The following GCLC variants were observed in gnomAD, a reference collection of about 807,000 sequenced individuals.
The protein encoded by GCLC is glutamate-cysteine ligase catalytic subunit.
GCLC carries 30 observed loss-of-function variants against 81.5 expected under a neutral mutation model. That is an observed-to-expected ratio of 0.37 (90% CI 0.28 to 0.50). The LOEUF is 0.50. Among genes scored for constraint, GCLC ranks in the 20% least tolerant of loss-of-function variants. The pLI, the probability that GCLC is intolerant of heterozygous loss-of-function variation, is 0.96. For synonymous variants in GCLC, 262 were observed against 273.3 expected (o/e 0.96, Z 0.41); for missense variants, 556 against 777.4 (o/e 0.72, Z 3.39).
At chr6:53,511,411 G>C (rs1348219308) in intron 6 of GCLC, among the ~76,000 whole-genome samples, 1 of 152,040 alleles carries the variant, frequency 6.6e-6, no homozygotes, top group Non-Finnish European at 1.5e-5. Flanking sequence ...GTTGCTCTTA[G>C]GTATTTGAGT....
chr6:53,497,865 T>A lies in GCLC; in HGVS notation c.*891A>T, dbSNP rs1451458322. On this transcript the variant is annotated 3_prime_UTR_variant, in exon 16 of 16. Transcript: ENST00000650454. ...TCTATCAGTATGCTTAACTAAAAAC[T>A]AAAGAGTGACAAAACTGTATACAGC... is the stretch of plus-strand genomic sequence containing the variant. 3.9e-5 allele frequency: 6 copies of A among 152,296 alleles called. No individual in the cohort carries two copies. Among genetic ancestry groups the A allele is most frequent in the Non-Finnish European group, 8.8e-5 (6 of 67,982 alleles). 9.4% of individuals were successfully genotyped at this position (152,296 alleles called of 1,614,324 possible). A position where few individuals can be genotyped will look rare whatever the true frequency, so the allele number is the denominator to read the frequency against.
chr6:53,498,786 A>C lies in GCLC; in HGVS notation c.1884T>G (p.Tyr628Ter), dbSNP rs904851230. The change falls in exon 16 of 16, where the codon TAT (tyrosine) becomes TAG (stop). Residue 628 changes from tyrosine to a stop codon, truncating the protein, a stop_gained. Coordinates refer to ENST00000650454, the MANE Select transcript of GCLC (RefSeq NM_001498.4). LOFTEE classifies it high-confidence loss of function. ...TGGATGAGTCAGTTTTACTTCCACT[A>C]TATTTTACTTTCCTAAATGCTGATC... ...LLGSAFRKVKYSGSKTDSSN is the reference protein window; with the variant it reads ...LLGSAFRKVK The C allele has an allele frequency of 5.6e-6, 9 of 1,611,924 alleles. No individual in the cohort carries two copies. In the African/African-American group the frequency reaches 8.0e-5, roughly 14 times the overall value.
chr6:53,532,762 A>T (rs77264262), intron 1 of GCLC, among the ~76,000 whole-genome samples: 1,686 of 152,102 alleles, frequency 0.011, 32 homozygotes, highest in African/African-American at 0.038. Context: ...GCCTAAAAAC[A>T]GAATCTTGGG....
intron 4 of GCLC, among the ~76,000 whole-genome samples, chr6:53,515,264 ACCTCTTCCGTGAAG>A (rs1355431418): frequency 6.6e-6 from 1 of 152,162 alleles, no homozygotes; most frequent in Non-Finnish European, 1.5e-5. Flanking sequence ...CTTAAATGCC[ACCTCTTCCGTGAAG>A]CCTGCTTTGA....
rs368956510 is a variant in GCLC, at chr6:53,534,500, A to T, written c.150+9996T>A. ...ACCAAAAAACAAAAAAAAAAAAGAG[A>T]GAGGAAGAGAAAATATATGAAAGAA... On this transcript the variant is annotated intron_variant, in intron 1 of 15. Transcript: ENST00000650454. Among the ~76,000 whole-genome samples, 5 of 151,972 alleles carry T rather than the reference A, an allele frequency of 3.3e-5. No individual in the cohort carries two copies. In the East Asian group the frequency reaches 5.8e-4, roughly 18 times the overall value.
intron 1 of GCLC, among the ~76,000 whole-genome samples, chr6:53,530,831 T>C (rs1450616984): frequency 6.6e-6 from 1 of 152,170 alleles, no homozygotes; most frequent in East Asian, 1.9e-4. Flanking sequence ...AAAAGCCTAC[T>C]TCCTGCATTA....
At chr6:53,530,140 G>A (rs1763147687) in intron 1 of GCLC, among the ~76,000 whole-genome samples, 1 of 152,222 alleles carries the variant, frequency 6.6e-6, no homozygotes, top group African/African-American at 2.4e-5. Flanking sequence ...CTAAATACAG[G>A]AATTCTAAGT....
chr6:53,506,297 C>T lies in GCLC; in HGVS notation c.1198-402G>A, dbSNP rs1444562836. 1 of 293,630 alleles carries T rather than the reference C, an allele frequency of 3.4e-6. No individual in the cohort carries two copies. The highest frequency in any genetic ancestry group is 2.2e-5 in the African/African-American group (1 of 45,518). The allele number at this position is 293,630 out of a possible 1,614,324, so 18.2% of individuals were successfully genotyped here. A position where few individuals can be genotyped will look rare whatever the true frequency, so the allele number is the denominator to read the frequency against. ...CAGTTGTTTCCTTTCTTCCTCCTCT[C>T]CTGGGAATGCTGCTGCTTCGATGAC... On this transcript the variant is annotated intron_variant, in intron 10 of 15. Transcript: ENST00000650454. This position sits in a 1 kb window ranked among gnomAD's most constrained non-coding sequence, Gnocchi z 4.0.
intron 1 of GCLC, among the ~76,000 whole-genome samples, chr6:53,538,036 T>TTG (rs1763285133): frequency 6.6e-6 from 1 of 152,096 alleles, no homozygotes. Context: ...ACTCAAATAA[T>TTG]TGTGTTTTTG....
At chr6:53,511,660 G>A (rs1764744773) in intron 6 of GCLC, among the ~76,000 whole-genome samples, 1 of 151,980 alleles carries the variant, frequency 6.6e-6, no homozygotes, top group Non-Finnish European at 1.5e-5. Flanking sequence ...CATCACTGTG[G>A]ATAATGGCTT....
rs763541933 is a variant in GCLC, at chr6:53,500,443, T to C, written c.1466A>G (p.Asp489Gly). The change falls in exon 13 of 16, where the codon GAT becomes GGT. Residue 489 changes from aspartate to glycine, a missense_variant. This residue lies in a region of GCLC where 313 missense variants were observed against 437.3 expected (regional missense o/e 0.72). Transcript: ENST00000650454. ...AGATAATGTAATACCTTTGCAAATA[T>C]CTTTCCTGAAATAAAACATTCCCTG... ...VLQGMFYFRK[D>G]ICKGGNAVVD... 4 of 1,610,760 alleles carry C rather than the reference T, an allele frequency of 2.5e-6. No homozygotes were observed.
At chr6:53,520,523 C>T (rs1368175273) in intron 3 of GCLC, among the ~76,000 whole-genome samples, 4 of 152,232 alleles carry the variant, frequency 2.6e-5, no homozygotes. Context: ...GGTCTGTCAT[C>T]ACAGTATCCT....
intron 3 of GCLC, among the ~76,000 whole-genome samples, chr6:53,516,817 A>C (rs1283098280): frequency 1.3e-5 from 2 of 152,078 alleles, no homozygotes; most frequent in Non-Finnish European, 2.9e-5. Flanking sequence ...ACCCAATCCT[A>C]TTCTCTTACT....
chr6:53,514,588 A>G (rs1367695096), intron 4 of GCLC, 91 bp from the exon 5 acceptor site: 2 of 906,716 alleles, frequency 2.2e-6, no homozygotes, highest in African/African-American at 1.6e-5. Context: ...GTGGAATGAA[A>G]TCATACCTCA....
At chr6:53,527,945 T>C (rs890375573) in intron 1 of GCLC, among the ~76,000 whole-genome samples, 2 of 152,174 alleles carry the variant, frequency 1.3e-5, no homozygotes, top group African/African-American at 2.4e-5. Context: ...TCATGCCAAG[T>C]AGTCACCCTC....
intron 3 of GCLC, among the ~76,000 whole-genome samples, chr6:53,520,388 G>A (rs1046480873): frequency 1.2e-4 from 19 of 152,204 alleles, no homozygotes; most frequent in Non-Finnish European, 2.4e-4. Context: ...GCATGAGGGC[G>A]CAACTGTCAC....
At chr6:53,522,782 C>A in intron 1 of GCLC, 1 of 322,078 alleles carries the variant, frequency 3.1e-6, no homozygotes, top group Non-Finnish European at 5.8e-6. Context: ...AAGGTCGATA[C>A]CCATTTTGAC....
At position 53,514,305 on chromosome 6, in the gene GCLC, T is replaced by C. The variant is rs748707630; in HGVS notation, c.652A>G (p.Ile218Val). Residue 218 changes from isoleucine to valine, a missense_variant, in exon 6 of 16, where the codon ATA becomes GTA. Transcript: ENST00000650454. Reference sequence around the variant, plus strand: ...TCATCATCCTCAGTAAATGTTTCTATAAATGGAGATGGTGTATTCTTGTCC... The same window carrying C: ...TCATCATCCTCAGTAAATGTTTCTACAAATGGAGATGGTGTATTCTTGTCC... ...FKDKNTPSPF[I>V]ETFTEDDEAS... 6.3e-7 allele frequency: 1 copy of C among 1,596,624 alleles called. No homozygotes were observed. The highest frequency in any genetic ancestry group is 1.1e-5 in the South Asian group (1 of 90,744).
At chr6:53,500,761 T>C (rs942511202) in intron 12 of GCLC, 2 of 547,756 alleles carry the variant, frequency 3.7e-6, no homozygotes, top group African/African-American at 1.9e-5. Context: ...AAAACTTATA[T>C]TCATGTGGAA....
Sources: allele counts gnomAD v4.1 joint callset (sites outside exome capture counted in the v4.1 genomes callset), GRCh38; gene constraint gnomAD v4.1.1; regional missense constraint gnomAD v4.1.1; non-coding constraint Gnocchi (gnomAD v3.1); transcripts MANE v1.5; gene names NCBI Gene and HGNC (gene_info 2026-07-23, HGNC 2026-07-21).